HMCN2: variants seen among roughly 807,000 people sequenced by gnomAD.
The protein encoded by HMCN2 is hemicentin-2.
HMCN2 carries 325 observed loss-of-function variants against 377.5 expected under a neutral mutation model. The ratio of observed to expected loss-of-function variants is 0.86; its 90% confidence interval spans 0.79 to 0.94. HMCN2 has a LOEUF of 0.94. HMCN2 is among the 40% of genes least tolerant of loss of function. HMCN2 has a pLI of 0.00. For synonymous variants in HMCN2, 2,007 were observed against 2,046.8 expected (o/e 0.98, Z 0.53); for missense variants, 4,543 against 4,725.3 (o/e 0.96, Z 1.13).
At chr9:130,340,279 G>A (rs1216526428) in intron 23 of HMCN2, among the ~76,000 whole-genome samples, 2 of 152,214 alleles carry the variant, frequency 1.3e-5, no homozygotes, top group Non-Finnish European at 2.9e-5. Context: ...GCCAGCCACC[G>A]GGCTCTATGC....
At chr9:130,274,058 T>G (rs1482291933) in intron 1 of HMCN2, among the ~76,000 whole-genome samples, 1 of 151,940 alleles carries the variant, frequency 6.6e-6, no homozygotes, top group Non-Finnish European at 1.5e-5. Flanking sequence ...CATTAATTTT[T>G]TTTTTTTTTT....
intron 22 of HMCN2, among the ~76,000 whole-genome samples, chr9:130,330,315 C>A (rs1052374438): frequency 6.6e-6 from 1 of 152,124 alleles, no homozygotes; most frequent in Non-Finnish European, 1.5e-5. Context: ...GCGGTGTAGT[C>A]AGGGCTGAGA....
chr9:130,416,956 A>G (rs1373183585), intron 85 of HMCN2, among the ~76,000 whole-genome samples: 3 of 151,946 alleles, frequency 2.0e-5, no homozygotes, highest in Non-Finnish European at 2.9e-5. Context: ...TCTGTTGCCC[A>G]GGCTGGAGTG....
chr9:130,358,479 A>G lies in HMCN2; in HGVS notation c.5670A>G (p.Lys1890=), dbSNP rs1350243705. The change falls in exon 36 of 98, where the codon AAA becomes AAG. Residue 1890 remains lysine, a synonymous_variant. Transcript: ENST00000683500. ...AGAGCAAGAGGGAAGTGGCGCTGAA[A>G]GTTTTGGGTGAGGACGTGGGTAACC... ...AGESKREVAL[K]VLVPPNIEPG... is the part of the protein sequence containing the mutation. The G allele has an allele frequency of 1.5e-6, 2 of 1,304,310 alleles. No individual in the cohort carries two copies. Among genetic ancestry groups the G allele is most frequent in the East Asian group, 1.1e-4 (2 of 18,024 alleles). 80.8% of individuals were successfully genotyped at this position (1,304,310 alleles called of 1,614,324 possible).
Position 130,410,637 on chromosome 9 carries a change from A to C in HMCN2, c.12946A>C (p.Ile4316Leu). The change falls in exon 85 of 98, where the codon ATC (isoleucine) becomes CTC (leucine). Residue 4316 changes from isoleucine to leucine, a missense_variant. By Grantham distance (5) the Ile-to-Leu change is conservative (BLOSUM62 2). Transcript: ENST00000683500. ...NEMGVAKKVV[I>L]LVLQSAPVFQ... ...GATGGGCGTGGCGAAGAAAGTGGTG[A>C]TCCTCGTCCTGCAGAGTGAGTCTCG... The C allele has an allele frequency of 1.3e-6, 2 of 1,550,604 alleles. No individual in the cohort carries two copies. Among genetic ancestry groups the C allele is most frequent in the Non-Finnish European group, 1.7e-6 (2 of 1,146,988 alleles).
chr9:130,285,407 G>A (rs1361110816), intron 3 of HMCN2, 91 bp downstream of exon 3: 1 of 432,170 alleles, frequency 2.3e-6, no homozygotes, highest in Non-Finnish European at 4.7e-6. Flanking sequence ...CCACCTCCTG[G>A]AGAGCAGAGC....
chr9:130,432,844 G>A, intron 97 of HMCN2: 1 of 492,738 alleles, frequency 2.0e-6, no homozygotes, highest in Non-Finnish European at 3.7e-6. Flanking sequence ...AGCGGCCACG[G>A]ACACTCATCA....
At position 130,399,662 on chromosome 9, in the gene HMCN2, C is replaced by T. The variant is rs536515086; in HGVS notation, c.11605+30C>T. ...GTCGGGGCAGAGGTGGAGGGGGACA[C>T]CTGGGGTGGGGGCAGCGCCTTCCCG... On this transcript the variant is annotated intron_variant, in intron 76 of 97. Coordinates refer to ENST00000683500, the MANE Select transcript of HMCN2 (RefSeq NM_001291815.2). 4.1e-5 allele frequency: 52 copies of T among 1,269,544 alleles called. 1 individual carries two copies. In the African/African-American group the frequency reaches 6.9e-4, roughly 17 times the overall value. The allele number at this position is 1,269,544 out of a possible 1,614,324, so 78.6% of individuals were successfully genotyped here. A position where few individuals can be genotyped will look rare whatever the true frequency, so the allele number is the denominator to read the frequency against.
intron 75 of HMCN2, among the ~76,000 whole-genome samples, chr9:130,398,984 AG>A (rs1232870143): frequency 6.6e-6 from 1 of 152,132 alleles, no homozygotes; most frequent in Non-Finnish European, 1.5e-5. Flanking sequence ...TGGGTGTGGT[AG>A]CTCACACCTG....
In HMCN2 at chr9:130,376,631, C is replaced by T; in HGVS notation, c.8034C>T (p.Pro2678=). The T allele has an allele frequency of 1.0e-6, 1 of 985,872 alleles. No individual in the cohort carries two copies. The highest frequency in any genetic ancestry group is 1.2e-6 in the Non-Finnish European group (1 of 829,982). 61.1% of individuals were successfully genotyped at this position (985,872 alleles called of 1,614,324 possible). The part of the protein sequence containing the change: ...LECESWAVPP[P]TIRWYKDGQP... ...GTGAGAGCTGGGCTGTGCCCCCGCC[C>T]ACCATCCGCTGGTACAAGGATGGAC... The change falls in exon 52 of 98, where the codon CCC becomes CCT. Residue 2678 remains proline, a synonymous_variant. Transcript: ENST00000683500.
intron 85 of HMCN2, among the ~76,000 whole-genome samples, chr9:130,418,559 A>G (rs1843816668): frequency 6.6e-6 from 1 of 152,150 alleles, no homozygotes; most frequent in Non-Finnish European, 1.5e-5. Flanking sequence ...AAAATAAAAT[A>G]AAAGCAGATA....
chr9:130,337,413 C>T (rs1838811334), intron 22 of HMCN2, among the ~76,000 whole-genome samples: 2 of 152,130 alleles, frequency 1.3e-5, no homozygotes, highest in African/African-American at 4.8e-5. Context: ...GCTTCTTCAT[C>T]CCACACACCG....
At chr9:130,380,880 G>C (rs141710051) in intron 54 of HMCN2, among the ~76,000 whole-genome samples, 79 of 151,778 alleles carry the variant, frequency 5.2e-4, no homozygotes, top group African/African-American at 1.7e-3. Context: ...GAAACCTCTG[G>C]ACAGACCCCT....
chr9:130,376,360 C>T (rs930948453), intron 51 of HMCN2, among the ~76,000 whole-genome samples, 156 bp from the exon 52 acceptor site: 9 of 152,230 alleles, frequency 5.9e-5, no homozygotes, highest in African/African-American at 2.2e-4. Context: ...CAAATGCTCT[C>T]TCCCTTAAGT....
chr9:130,422,416 CGTTGA>C lies in HMCN2; in HGVS notation c.13232-158_13232-154del, dbSNP rs1236803225. Among the ~76,000 whole-genome samples, 1 of 152,172 alleles carries C rather than the reference CGTTGA, an allele frequency of 6.6e-6. No homozygotes were observed. Among genetic ancestry groups the C allele is most frequent in the African/African-American group, 2.4e-5 (1 of 41,436 alleles). On this transcript the variant is annotated intron_variant, in intron 86 of 97. Transcript: ENST00000683500. This position sits in a 1 kb window ranked among gnomAD's most constrained non-coding sequence, Gnocchi z 4.2. ...CCTTTTAGAGCCAAGATCCCCTGGG[CGTTGA>C]GTCCATGACCCCTTAGCTGTGTGTC...
chr9:130,422,868 C>A lies in HMCN2; in HGVS notation c.13381+142C>A. ...GCCTGATGACCAGAGCACGTCTGAC[C>A]ATCTCTCAAAGCTGAGTGCAATCCA... On this transcript the variant is annotated intron_variant, in intron 87 of 97. Coordinates refer to ENST00000683500, the MANE Select transcript of HMCN2 (RefSeq NM_001291815.2). The surrounding 1 kb of genome is among the most constrained non-coding windows in gnomAD (Gnocchi z 4.2). 1.5e-6 allele frequency: 1 copy of A among 659,112 alleles called. No homozygotes were observed. Among genetic ancestry groups the A allele is most frequent in the Non-Finnish European group, 2.2e-6 (1 of 463,824 alleles). The allele number at this position is 659,112 out of a possible 1,614,324, so 40.8% of individuals were successfully genotyped here.
At chr9:130,348,492 C>G in intron 26 of HMCN2, 53 bp from the exon 27 acceptor site, 1 of 1,292,102 alleles carries the variant, frequency 7.7e-7, no homozygotes, top group Middle Eastern at 2.4e-4. Flanking sequence ...GTCCCTTCGG[C>G]TGTGGCTCTA....
At chr9:130,314,845 C>T (rs1478570782) in intron 15 of HMCN2, among the ~76,000 whole-genome samples, 2 of 152,160 alleles carry the variant, frequency 1.3e-5, no homozygotes, top group African/African-American at 4.8e-5. Context: ...AATAGAGTTA[C>T]CGCCTTCCAG....
chr9:130,430,085 C>T (rs1348794059), intron 94 of HMCN2, 199 bp from the exon 95 acceptor site: 3 of 617,652 alleles, frequency 4.9e-6, no homozygotes, highest in Non-Finnish European at 8.5e-6. Context: ...GAGGCTGGGC[C>T]TCTGGGAGCT....
Sources: allele counts gnomAD v4.1 joint callset (sites outside exome capture counted in the v4.1 genomes callset), GRCh38; gene constraint gnomAD v4.1.1; non-coding constraint Gnocchi (gnomAD v3.1); transcripts MANE v1.5; gene names NCBI Gene and HGNC (gene_info 2026-07-23, HGNC 2026-07-21).